The following REDIC1 variants were observed in gnomAD, a reference collection of about 807,000 sequenced individuals.
REDIC1 encodes regulator of DNA class I crossover intermediates 1.
the REDIC1 span, among the ~76,000 whole-genome samples, chr12:39,895,979 T>C: frequency 6.9e-6 from 1 of 144,688 alleles, no homozygotes; most frequent in Non-Finnish European, 1.5e-5. Flanking sequence ...TGTATATGTA[T>C]ACATACATTC....
chr12:39,675,582 C>T, the REDIC1 span, among the ~76,000 whole-genome samples: 2 of 152,232 alleles, frequency 1.3e-5, no homozygotes, highest in African/African-American at 4.8e-5. Context: ...CCACGTGCAA[C>T]ATCCTGGCTA....
chr12:39,779,874 G>T, the REDIC1 span, among the ~76,000 whole-genome samples: 7,249 of 152,270 alleles, frequency 0.048, 592 homozygotes, highest in African/African-American at 0.17. Flanking sequence ...AGTATCTCTG[G>T]CTCGTGTTTA....
chr12:39,808,032 T>C, the REDIC1 span, among the ~76,000 whole-genome samples: 116 of 152,238 alleles, frequency 7.6e-4, no homozygotes, highest in African/African-American at 2.7e-3. Flanking sequence ...TGTAAGTCAA[T>C]GAGTTTTGAC....
the REDIC1 span, among the ~76,000 whole-genome samples, chr12:39,725,680 T>C: frequency 6.6e-6 from 1 of 151,928 alleles, no homozygotes; most frequent in African/African-American, 2.4e-5. Flanking sequence ...CATTTTAAAA[T>C]CAGGACACAT....
At chr12:39,873,193 G>A in the REDIC1 span, among the ~76,000 whole-genome samples, 1 of 152,108 alleles carries the variant, frequency 6.6e-6, no homozygotes, top group East Asian at 1.9e-4. Flanking sequence ...TATGTAGCAT[G>A]AAGGATGTGT....
At chr12:39,758,102 G>GA in the REDIC1 span, 6 of 151,306 alleles carry the variant, frequency 4.0e-5, no homozygotes. Flanking sequence ...CTTTTCTGAG[G>GA]AAAAAATCAA....
the REDIC1 span, among the ~76,000 whole-genome samples, chr12:39,769,479 A>G: frequency 6.6e-6 from 1 of 152,064 alleles, no homozygotes; most frequent in Non-Finnish European, 1.5e-5. Context: ...TTTCTCTATC[A>G]GCTTCTACTT....
the REDIC1 span, chr12:39,788,741 A>C: frequency 6.6e-6 from 1 of 152,140 alleles, no homozygotes; most frequent in Non-Finnish European, 1.5e-5. Flanking sequence ...CTGTAGTAAT[A>C]TAATGATGCT....
At chr12:39,747,004 T>G in the REDIC1 span, among the ~76,000 whole-genome samples, 2,507 of 152,280 alleles carry the variant, frequency 0.016, 66 homozygotes, top group African/African-American at 0.056. Flanking sequence ...CTGAAAATTC[T>G]AAAAATCAGA....
chr12:39,700,396 A>C, the REDIC1 span, among the ~76,000 whole-genome samples: 3 of 152,204 alleles, frequency 2.0e-5, no homozygotes, highest in African/African-American at 7.2e-5. Context: ...AAAAAGAATA[A>C]AAAGCAACGA....
the REDIC1 span, among the ~76,000 whole-genome samples, chr12:39,709,565 A>T: frequency 1.4e-5 from 2 of 143,614 alleles, no homozygotes; most frequent in Admixed American, 1.5e-4. Context: ...TATTCTACTT[A>T]TATAACTAGT....
the REDIC1 span, among the ~76,000 whole-genome samples, chr12:39,891,445 C>A: frequency 6.6e-6 from 1 of 151,770 alleles, no homozygotes; most frequent in African/African-American, 2.4e-5. Flanking sequence ...ATACTTTAAG[C>A]CAAAAAAGAT....
the REDIC1 span, among the ~76,000 whole-genome samples, chr12:39,688,392 A>G: frequency 1.3e-5 from 2 of 152,222 alleles, no homozygotes; most frequent in Non-Finnish European, 2.9e-5. Flanking sequence ...TTGGGAAGAA[A>G]GAGCAACATA....
At chr12:39,864,862 T>G in the REDIC1 span, 1 of 1,613,380 alleles carries the variant, frequency 6.2e-7, no homozygotes, top group Non-Finnish European at 8.5e-7. Context: ...AAGGCAAGAA[T>G]AATGAGTGCT....
the REDIC1 span, among the ~76,000 whole-genome samples, chr12:39,837,637 T>A: frequency 6.5e-4 from 97 of 149,442 alleles, no homozygotes; most frequent in Admixed American, 1.0e-3. Flanking sequence ...CTCCAACAAA[T>A]TTACAAGAAA....
chr12:39,706,592 G>C, the REDIC1 span, among the ~76,000 whole-genome samples: 1,850 of 151,566 alleles, frequency 0.012, 35 homozygotes, highest in Middle Eastern at 0.017. Flanking sequence ...AGCATGAGAA[G>C]TATAGTAACC....
the REDIC1 span, among the ~76,000 whole-genome samples, chr12:39,707,123 G>C: frequency 6.6e-6 from 1 of 151,742 alleles, no homozygotes; most frequent in African/African-American, 2.4e-5. Flanking sequence ...ATCTGGCAAG[G>C]GATTAATATA....
the REDIC1 span, among the ~76,000 whole-genome samples, chr12:39,653,476 T>A: frequency 6.8e-6 from 1 of 147,676 alleles, no homozygotes; most frequent in Non-Finnish European, 1.5e-5. Context: ...TTTACCTCTC[T>A]CTTTTCAATC....
chr12:39,794,449 T>C, the REDIC1 span, among the ~76,000 whole-genome samples: 3 of 152,196 alleles, frequency 2.0e-5, no homozygotes, highest in Admixed American at 1.3e-4. Context: ...GGTTTCCCCA[T>C]ACATAATTAA....
Sources: gnomAD v4.1 joint callset for allele counts (sites outside exome capture counted in the v4.1 genomes callset) on GRCh38, gnomAD v4.1.1 for gene constraint, MANE v1.5 for transcripts, NCBI Gene and HGNC (gene_info 2026-07-23, HGNC 2026-07-21) for gene names.